NRXN3: variants seen among roughly 807,000 people sequenced by gnomAD.
NRXN3 encodes neurexin III.
NRXN3 carries 32 observed loss-of-function variants against 137.6 expected under a neutral mutation model. The ratio of observed to expected loss-of-function variants is 0.23; its 90% CI spans 0.18 to 0.31. NRXN3 has a LOEUF of 0.31. Ranked by LOEUF, NRXN3 falls within the 10% of genes least tolerant of loss-of-function variation. The pLI is 1.00. For synonymous variants in NRXN3, 798 were observed against 784.5 expected (o/e 1.02, Z -0.29); for missense variants, 1,574 against 2,062.5 (o/e 0.76, Z 4.59).
chr14:79,703,568 C>T (rs1277985748), intron 19 of NRXN3, among the ~76,000 whole-genome samples: 2 of 152,150 alleles, frequency 1.3e-5, no homozygotes, highest in Non-Finnish European at 1.5e-5. Flanking sequence ...TTCCGTATGC[C>T]TGGAGAGGCC....
rs189169332 is a variant in NRXN3, at chr14:79,550,321, C to T, written c.3444+82919C>T. Among the ~76,000 whole-genome samples the T allele has an allele frequency of 4.4e-4, 67 of 152,130 alleles. No individual in the cohort carries two copies. The East Asian group carries it at 0.011, about 26-fold the overall frequency. On this transcript the variant is annotated intron_variant, in intron 16 of 20. Coordinates refer to ENST00000335750, the MANE Select transcript of NRXN3 (RefSeq NM_001330195.2). ...GAAGATACCCTTATTCCTAAGAAAT[C>T]CACTAAAGAAAACTGTTCTTCCAGG...
chr14:79,030,305 C>T (rs767128022), intron 15 of NRXN3, among the ~76,000 whole-genome samples: 4 of 152,016 alleles, frequency 2.6e-5, no homozygotes, highest in Non-Finnish European at 5.9e-5. Flanking sequence ...GAGAGGGCCA[C>T]AATTGTTCCC....
At chr14:78,627,081 C>T (rs749355904) in intron 4 of NRXN3, among the ~76,000 whole-genome samples, 45 of 149,486 alleles carry the variant, frequency 3.0e-4, no homozygotes, top group Non-Finnish European at 5.8e-4. Context: ...GTTTCTCTTT[C>T]CCTCCCTTCC....
chr14:79,560,733 G>A (rs1020159175), intron 16 of NRXN3, among the ~76,000 whole-genome samples: 1 of 151,750 alleles, frequency 6.6e-6, no homozygotes, highest in South Asian at 2.1e-4. Context: ...TAGAGACAGG[G>A]TTTCACCATG....
At chr14:79,201,692 T>C (rs2066033796) in intron 15 of NRXN3, 1 of 152,204 alleles carries the variant, frequency 6.6e-6, no homozygotes, top group African/African-American at 2.4e-5. Context: ...GGCACTGTGT[T>C]CCAAGGGGAA....
intron 16 of NRXN3, among the ~76,000 whole-genome samples, chr14:79,517,072 A>T (rs2096993921): frequency 1.4e-5 from 2 of 145,868 alleles, no homozygotes; most frequent in South Asian, 4.5e-4. Context: ...TGTCCTTGAG[A>T]AGTATTACAC....
At chr14:79,208,097 A>G (rs1050171388) in intron 15 of NRXN3, among the ~76,000 whole-genome samples, 27 of 152,330 alleles carry the variant, frequency 1.8e-4, no homozygotes, top group African/African-American at 6.5e-4. Flanking sequence ...TTGTAGAAAG[A>G]AAGACTACAT....
At chr14:78,377,377 A>G (rs1163969509) in intron 4 of NRXN3, among the ~76,000 whole-genome samples, 1 of 152,258 alleles carries the variant, frequency 6.6e-6, no homozygotes, top group Non-Finnish European at 1.5e-5. Flanking sequence ...ATGTACATGT[A>G]CAAAATACAG....
At chr14:79,375,809 A>G (rs1284343716) in intron 15 of NRXN3, among the ~76,000 whole-genome samples, 2 of 152,142 alleles carry the variant, frequency 1.3e-5, no homozygotes, top group Admixed American at 6.6e-5. Flanking sequence ...TAAAAACTAA[A>G]AGGAATTTTA....
intron 15 of NRXN3, among the ~76,000 whole-genome samples, chr14:79,049,154 A>G (rs1252325348): frequency 6.7e-6 from 1 of 148,954 alleles, no homozygotes; most frequent in Non-Finnish European, 1.5e-5. Context: ...ATTTATCTGT[A>G]CTATGTGATG....
chr14:79,186,400 C>T (rs2063549944), intron 15 of NRXN3, among the ~76,000 whole-genome samples: 1 of 152,062 alleles, frequency 6.6e-6, no homozygotes, highest in Admixed American at 6.6e-5. Flanking sequence ...TGCCATGTCT[C>T]TCTCTTTTTT....
chr14:79,731,939 G>GTT (rs894053097), intron 19 of NRXN3, among the ~76,000 whole-genome samples: 5 of 150,874 alleles, frequency 3.3e-5, no homozygotes, highest in Non-Finnish European at 7.4e-5. Flanking sequence ...CTTTTCCATA[G>GTT]TTTTTTTCCC....
intron 4 of NRXN3, among the ~76,000 whole-genome samples, chr14:78,584,718 T>C (rs1260687411): frequency 6.6e-6 from 1 of 152,218 alleles, no homozygotes; most frequent in African/African-American, 2.4e-5. Context: ...GAAACAATTA[T>C]TGGAGGAATT....
chr14:79,158,299 T>TTA (rs1230050114), intron 15 of NRXN3, among the ~76,000 whole-genome samples: 1 of 151,832 alleles, frequency 6.6e-6, no homozygotes, highest in African/African-American at 2.4e-5. Context: ...TATAACTTAT[T>TTA]TATATATTTA....
intron 10 of NRXN3, among the ~76,000 whole-genome samples, chr14:78,938,848 C>CTT (rs1255540319): frequency 1.4e-4 from 19 of 132,006 alleles, no homozygotes; most frequent in South Asian, 2.5e-4. Context: ...AGTGATTTTT[C>CTT]TTTTTTTTTT....
intron 16 of NRXN3, among the ~76,000 whole-genome samples, chr14:79,509,157 G>A (rs948640778): frequency 6.6e-6 from 1 of 152,070 alleles, no homozygotes; most frequent in Non-Finnish European, 1.5e-5. Flanking sequence ...TCGTGCCACT[G>A]CACTCAAGTC....
chr14:79,064,394 TCTC>T (rs1017591896), intron 15 of NRXN3, among the ~76,000 whole-genome samples: 6 of 152,046 alleles, frequency 3.9e-5, no homozygotes, highest in African/African-American at 1.4e-4. Context: ...AGTTCTCACT[TCTC>T]CTTTCAAGAA....
chr14:78,195,630 G>T (rs952448818), intron 1 of NRXN3, among the ~76,000 whole-genome samples: 1 of 152,190 alleles, frequency 6.6e-6, no homozygotes, highest in African/African-American at 2.4e-5. Context: ...CGAGAGCAAC[G>T]GAAGAGCTGA....
At chr14:78,967,957 A>G (rs1447286156) in intron 13 of NRXN3, among the ~76,000 whole-genome samples, 1 of 146,166 alleles carries the variant, frequency 6.8e-6, no homozygotes, top group Non-Finnish European at 1.5e-5. Flanking sequence ...TAAATTTTTG[A>G]GATGGTATAT....
Sources: gnomAD v4.1 joint callset for allele counts (sites outside exome capture counted in the v4.1 genomes callset) on GRCh38, gnomAD v4.1.1 for gene constraint, MANE v1.5 for transcripts, NCBI Gene and HGNC (gene_info 2026-07-23, HGNC 2026-07-21) for gene names.